CDH10: variants seen among roughly 807,000 people sequenced by gnomAD.
CDH10 encodes the protein cadherin 10.
Under a neutral mutation model 73.1 loss-of-function variants are expected in CDH10, and 30 were observed. The ratio of observed to expected loss-of-function variants is 0.41; its 90% CI spans 0.31 to 0.56. CDH10 has a LOEUF of 0.56. CDH10 is among the 20% of genes least tolerant of loss of function. CDH10 has a pLI of 0.27. For missense variants in CDH10, 815 were observed against 973.7 expected (o/e 0.84, Z 2.17); for synonymous variants, 345 against 348.2 (o/e 0.99, Z 0.10).
At chr5:24,535,048 C>T (rs2111875066) in intron 5 of CDH10, 64 bp downstream of exon 5, 2 of 1,360,398 alleles carry the variant, frequency 1.5e-6, no homozygotes, top group Non-Finnish European at 2.0e-6. Context: ...CTTTTTCTTT[C>T]TTTGTCTGTC....
chr5:24,507,753 C>T (rs1352399780), intron 7 of CDH10, among the ~76,000 whole-genome samples: 1 of 151,430 alleles, frequency 6.6e-6, no homozygotes, highest in African/African-American at 2.4e-5. Context: ...TTATATAAAA[C>T]TTTCAAAGGA....
At chr5:24,519,763 A>G (rs191192939) in intron 5 of CDH10, among the ~76,000 whole-genome samples, 6 of 152,376 alleles carry the variant, frequency 3.9e-5, no homozygotes, top group African/African-American at 9.6e-5. Context: ...TATATTTGAC[A>G]CAATGACTTT....
At chr5:24,601,118 T>C (rs1746547873) in intron 1 of CDH10, among the ~76,000 whole-genome samples, 1 of 152,086 alleles carries the variant, frequency 6.6e-6, no homozygotes, top group African/African-American at 2.4e-5. Context: ...TTAAAATAAA[T>C]TAAATCATTT....
chr5:24,541,959 A>G (rs556055474), intron 2 of CDH10, among the ~76,000 whole-genome samples: 1 of 152,272 alleles, frequency 6.6e-6, no homozygotes, highest in Admixed American at 6.6e-5. Context: ...TAATTGTAAT[A>G]CATTATTACA....
chr5:24,555,020 C>A (rs1434364167), intron 2 of CDH10, among the ~76,000 whole-genome samples: 2 of 151,844 alleles, frequency 1.3e-5, no homozygotes, highest in Non-Finnish European at 2.9e-5. Flanking sequence ...TTAACATTTT[C>A]TTTGATTATT....
At chr5:24,599,422 A>C (rs1325484982) in intron 1 of CDH10, among the ~76,000 whole-genome samples, 15 of 152,138 alleles carry the variant, frequency 9.9e-5, no homozygotes, top group Admixed American at 9.8e-4. Context: ...CATCAAGAAA[A>C]AGAGCCACAG....
intron 1 of CDH10, among the ~76,000 whole-genome samples, chr5:24,604,884 A>AC: frequency 6.7e-6 from 1 of 148,160 alleles, no homozygotes; most frequent in African/African-American, 2.5e-5. Flanking sequence ...AAAAAAAAAA[A>AC]AAAAAAAAAA....
chr5:24,512,907 C>G (rs968781553), intron 5 of CDH10, among the ~76,000 whole-genome samples: 5 of 149,096 alleles, frequency 3.4e-5, no homozygotes, highest in African/African-American at 1.2e-4. Context: ...TAGTCACTTC[C>G]ATGAAAGATA....
chr5:24,631,979 A>AT (rs1484218018), intron 1 of CDH10, among the ~76,000 whole-genome samples: 1 of 152,052 alleles, frequency 6.6e-6, no homozygotes, highest in East Asian at 1.9e-4. Flanking sequence ...CAGAAAATAC[A>AT]TTTTTTGCCT....
chr5:24,593,785 T>C (rs1746281169), intron 1 of CDH10, among the ~76,000 whole-genome samples, 172 bp from the exon 2 acceptor site: 1 of 151,974 alleles, frequency 6.6e-6, no homozygotes, highest in Non-Finnish European at 1.5e-5. Flanking sequence ...TAGCAATATG[T>C]CTACAATGTA....
At chr5:24,595,218 T>A (rs1164620778) in intron 1 of CDH10, among the ~76,000 whole-genome samples, 1 of 151,938 alleles carries the variant, frequency 6.6e-6, no homozygotes, top group African/African-American at 2.4e-5. Flanking sequence ...CCAAAAGGAT[T>A]GAGTTTCACT....
At chr5:24,536,140 T>C (rs1190891748) in intron 3 of CDH10, among the ~76,000 whole-genome samples, 1 of 152,116 alleles carries the variant, frequency 6.6e-6, no homozygotes, top group East Asian at 1.9e-4. Flanking sequence ...ATAATAGATT[T>C]GTTTTGTGTA....
At chr5:24,548,657 A>C (rs1271809211) in intron 2 of CDH10, among the ~76,000 whole-genome samples, 2 of 152,048 alleles carry the variant, frequency 1.3e-5, no homozygotes, top group Admixed American at 6.6e-5. Context: ...AGTTTGATCA[A>C]CTGTGTACCA....
intron 5 of CDH10, among the ~76,000 whole-genome samples, chr5:24,530,660 G>A (rs944663711): frequency 1.3e-5 from 2 of 151,966 alleles, no homozygotes; most frequent in African/African-American, 2.4e-5. Flanking sequence ...CAATGGAACT[G>A]TTATTGGTAC....
At chr5:24,584,165 A>G (rs947480505) in intron 2 of CDH10, among the ~76,000 whole-genome samples, 1 of 152,154 alleles carries the variant, frequency 6.6e-6, no homozygotes, top group African/African-American at 2.4e-5. Flanking sequence ...CTTTAAAGGT[A>G]TCATTATCAG....
intron 2 of CDH10, among the ~76,000 whole-genome samples, chr5:24,549,261 A>C (rs1394429249): frequency 2.0e-5 from 3 of 152,178 alleles, no homozygotes; most frequent in African/African-American, 7.2e-5. Context: ...TAGAAGGAGA[A>C]AGAGTAAGAA....
At chr5:24,503,453 C>A (rs944574945) in intron 8 of CDH10, among the ~76,000 whole-genome samples, 3 of 152,136 alleles carry the variant, frequency 2.0e-5, no homozygotes, top group African/African-American at 7.2e-5. Context: ...CAGGGCCTTA[C>A]CCTTAAAAGA....
intron 1 of CDH10, chr5:24,611,785 A>T (rs1579470187): frequency 6.6e-6 from 1 of 152,214 alleles, no homozygotes; most frequent in East Asian, 1.9e-4. Flanking sequence ...ATGGCAACTT[A>T]CATCTTGCTA....
chr5:24,537,272 G>T, intron 3 of CDH10, 108 bp downstream of exon 3: 1 of 727,378 alleles, frequency 1.4e-6, no homozygotes, highest in East Asian at 2.7e-5. Flanking sequence ...ATGTACTCAT[G>T]GTAGCAAATC....
Sources: allele counts gnomAD v4.1 joint callset (sites outside exome capture counted in the v4.1 genomes callset), GRCh38; gene constraint gnomAD v4.1.1; transcripts MANE v1.5; gene names NCBI Gene and HGNC (gene_info 2026-07-23, HGNC 2026-07-21).